STK32B: variants seen among roughly 807,000 people sequenced by gnomAD.
The protein encoded by STK32B is serine/threonine-protein kinase 32B.
Under a neutral mutation model 52.6 loss-of-function variants are expected in STK32B, and 43 were observed. That is an observed-to-expected ratio of 0.82 (90% confidence interval 0.64 to 1.05). The LOEUF (loss-of-function observed/expected upper bound fraction) is 1.05. Ranked by LOEUF, STK32B falls within the 50% of genes least tolerant of loss-of-function variation. The pLI is 0.00. For missense variants in STK32B, 621 were observed against 534.6 expected, an observed-to-expected ratio of 1.16 and a Z score of -1.59; for synonymous variants, 238 against 204.3, an observed-to-expected ratio of 1.17 and a Z score of -1.41.
chr4:5,322,381 G>A (rs1731565391), intron 3 of STK32B, among the ~76,000 whole-genome samples: 1 of 152,136 alleles, frequency 6.6e-6, no homozygotes, highest in Non-Finnish European at 1.5e-5. Context: ...AGCATAGTGA[G>A]TGAGACCTCC....
intron 3 of STK32B, among the ~76,000 whole-genome samples, chr4:5,185,397 A>T (rs1198886152): frequency 6.6e-6 from 1 of 152,216 alleles, no homozygotes; most frequent in East Asian, 1.9e-4. Flanking sequence ...CAGTACACGG[A>T]TATCTACCTG....
intron 3 of STK32B, among the ~76,000 whole-genome samples, chr4:5,321,288 G>T (rs1300995658): frequency 2.0e-5 from 3 of 152,056 alleles, no homozygotes; most frequent in African/African-American, 7.2e-5. Flanking sequence ...AAGCACTTAG[G>T]ACCATGGCTA....
chr4:5,389,830 G>A (rs1736486697), intron 4 of STK32B, among the ~76,000 whole-genome samples: 1 of 152,218 alleles, frequency 6.6e-6, no homozygotes, highest in African/African-American at 2.4e-5. Context: ...GGATCAAGAT[G>A]TGGGAAGAGT....
intron 3 of STK32B, among the ~76,000 whole-genome samples, chr4:5,282,801 C>G (rs776374775): frequency 7.2e-5 from 11 of 152,040 alleles, no homozygotes; most frequent in Non-Finnish European, 1.0e-4. Flanking sequence ...CAGGACAGAG[C>G]AGGATAGTAT....
At chr4:5,249,042 C>G (rs533557840) in intron 3 of STK32B, among the ~76,000 whole-genome samples, 7 of 152,088 alleles carry the variant, frequency 4.6e-5, no homozygotes, top group East Asian at 3.9e-4. Flanking sequence ...CAAACCTGCA[C>G]ATTGTGCACA....
intron 3 of STK32B, among the ~76,000 whole-genome samples, chr4:5,300,090 C>T (rs67234807): frequency 0.14 from 20,919 of 152,064 alleles, 2,883 homozygotes; most frequent in African/African-American, 0.36. Context: ...GTTAATTGGC[C>T]ATGATCAAGT....
At chr4:5,417,021 C>A in intron 6 of STK32B, 87 bp downstream of exon 6, 1 of 1,202,930 alleles carries the variant, frequency 8.3e-7, no homozygotes, top group South Asian at 1.4e-5. Flanking sequence ...TGCCACTGCC[C>A]GCTGCCACAT....
intron 3 of STK32B, among the ~76,000 whole-genome samples, chr4:5,280,192 G>A (rs575720555): frequency 5.0e-4 from 76 of 152,124 alleles, no homozygotes; most frequent in Non-Finnish European, 7.8e-4. Context: ...CTAGTTTCTG[G>A]TCTTTTTTTT....
chr4:5,178,096 C>A (rs1720068221), intron 3 of STK32B, among the ~76,000 whole-genome samples: 1 of 152,236 alleles, frequency 6.6e-6, no homozygotes, highest in African/African-American at 2.4e-5. Context: ...TTCTGCATTG[C>A]CCTAGCAGAG....
At chr4:5,371,164 A>G (rs928683593) in intron 4 of STK32B, among the ~76,000 whole-genome samples, 6 of 152,098 alleles carry the variant, frequency 3.9e-5, no homozygotes, top group African/African-American at 1.4e-4. Context: ...TTAGCTCAGA[A>G]TCACAGCAAA....
At chr4:5,434,452 GTGTATA>G (rs1244942452) in intron 6 of STK32B, among the ~76,000 whole-genome samples, 13 of 143,218 alleles carry the variant, frequency 9.1e-5, no homozygotes, top group African/African-American at 1.3e-4. Flanking sequence ...GTGTGTGTGT[GTGTATA>G]TATATATATA....
At chr4:5,349,377 C>T (rs938017312) in intron 4 of STK32B, among the ~76,000 whole-genome samples, 2 of 152,156 alleles carry the variant, frequency 1.3e-5, no homozygotes, top group African/African-American at 4.8e-5. Context: ...ACTATCAATG[C>T]TGTTTTATAC....
chr4:5,154,912 C>T (rs924335734), intron 2 of STK32B, among the ~76,000 whole-genome samples: 1 of 152,212 alleles, frequency 6.6e-6, no homozygotes, highest in African/African-American at 2.4e-5. Flanking sequence ...AATTAGCTTG[C>T]TTGGTTGCTG....
intron 6 of STK32B, among the ~76,000 whole-genome samples, chr4:5,418,513 C>T (rs1420194024): frequency 6.6e-6 from 1 of 152,230 alleles, no homozygotes; most frequent in Non-Finnish European, 1.5e-5. Flanking sequence ...ATGGTTACTG[C>T]TATTAATGTT....
At chr4:5,071,899 G>T (rs1947137) in intron 1 of STK32B, among the ~76,000 whole-genome samples, 145,954 of 152,272 alleles carry the variant, frequency 0.96, 70,218 homozygotes, top group East Asian at 1. Context: ...AACTATAATT[G>T]AGAAACATTT....
At chr4:5,439,816 C>A (rs1244694273) in intron 6 of STK32B, among the ~76,000 whole-genome samples, 8 of 151,468 alleles carry the variant, frequency 5.3e-5, no homozygotes, top group African/African-American at 1.9e-4. Flanking sequence ...TCAGCTTTCT[C>A]CATATGGCTA....
At chr4:5,452,772 T>C (rs1436401412) in intron 7 of STK32B, among the ~76,000 whole-genome samples, 1 of 152,104 alleles carries the variant, frequency 6.6e-6, no homozygotes, top group Non-Finnish European at 1.5e-5. Context: ...TTTGGTAAAT[T>C]GGCAAAATTT....
At chr4:5,258,976 T>G (rs1271450796) in intron 3 of STK32B, among the ~76,000 whole-genome samples, 2 of 152,192 alleles carry the variant, frequency 1.3e-5, no homozygotes, top group African/African-American at 4.8e-5. Flanking sequence ...TCCAGGCTTG[T>G]AAAAGCCTGT....
intron 3 of STK32B, among the ~76,000 whole-genome samples, chr4:5,206,270 C>T (rs73081607): frequency 0.053 from 8,086 of 152,246 alleles, 492 homozygotes; most frequent in African/African-American, 0.15. Flanking sequence ...TCTTCCTTTT[C>T]ACTCCTGATT....
Sources: gnomAD v4.1 joint callset for allele counts (sites outside exome capture counted in the v4.1 genomes callset) on GRCh38, gnomAD v4.1.1 for gene constraint, MANE v1.5 for transcripts, NCBI Gene and HGNC (gene_info 2026-07-23, HGNC 2026-07-21) for gene names.